CAST: variants seen among roughly 807,000 people sequenced by gnomAD.
CAST encodes calpastatin.
A neutral mutation model predicts 119.6 loss-of-function variants in CAST; 76 were observed. The ratio of observed to expected loss-of-function variants is 0.64; its 90% CI spans 0.53 to 0.77. CAST has a LOEUF of 0.77. Ranked by LOEUF, CAST falls within the 30% of genes least tolerant of loss-of-function variation. The pLI is 0.00. For synonymous variants in CAST, 319 were observed against 331.6 expected (o/e 0.96, Z 0.41); for missense variants, 953 against 946.5 (o/e 1.01, Z -0.09).
At chr5:96,462,786 G>A in the CAST span, among the ~76,000 whole-genome samples, 1 of 152,060 alleles carries the variant, frequency 6.6e-6, no homozygotes, top group South Asian at 2.1e-4. Flanking sequence ...GGATCATGGG[G>A]GCAGTTTCCT....
chr5:96,244,745 T>G, the CAST span, among the ~76,000 whole-genome samples: 2 of 152,216 alleles, frequency 1.3e-5, no homozygotes, highest in Non-Finnish European at 2.9e-5. Flanking sequence ...TTTTCTTAAA[T>G]TGTAAAATTC....
intron 1 of CAST, among the ~76,000 whole-genome samples, chr5:96,656,663 G>A (rs4869305): frequency 0.033 from 4,995 of 152,184 alleles, 129 homozygotes; most frequent in South Asian, 0.055. Context: ...AAACCTGCCC[G>A]TTTGGGTCAG....
chr5:96,429,067 A>G, the CAST span: 1 of 591,136 alleles, frequency 1.7e-6, no homozygotes, highest in Non-Finnish European at 3.0e-6. Context: ...AATTTTATGG[A>G]AAGAAATTAG....
At chr5:96,492,758 A>G in the CAST span, among the ~76,000 whole-genome samples, 1 of 152,252 alleles carries the variant, frequency 6.6e-6, no homozygotes, top group South Asian at 2.1e-4. Flanking sequence ...GGAAGTAGAT[A>G]AAACTAAAAA....
the CAST span, among the ~76,000 whole-genome samples, chr5:96,076,848 A>G: frequency 6.6e-6 from 1 of 152,164 alleles, no homozygotes; most frequent in East Asian, 1.9e-4. Flanking sequence ...TTTAATAAAT[A>G]TCAATAATAA....
chr5:96,287,226 C>A, the CAST span, among the ~76,000 whole-genome samples: 1 of 152,084 alleles, frequency 6.6e-6, no homozygotes, highest in Non-Finnish European at 1.5e-5. Flanking sequence ...GAAATTCTCT[C>A]AGGCACATTC....
the CAST span, among the ~76,000 whole-genome samples, chr5:96,208,019 T>C: frequency 6.6e-6 from 1 of 151,926 alleles, no homozygotes; most frequent in East Asian, 1.9e-4. Context: ...CTGGTTCAGT[T>C]TGGGAAGTTG....
At chr5:96,452,975 A>AT in the CAST span, among the ~76,000 whole-genome samples, 1 of 149,066 alleles carries the variant, frequency 6.7e-6, no homozygotes, top group East Asian at 1.9e-4. Flanking sequence ...AAAAAAAAAA[A>AT]ACAGAAGAAA....
chr5:96,260,154 C>G, the CAST span, among the ~76,000 whole-genome samples: 1 of 151,984 alleles, frequency 6.6e-6, no homozygotes, highest in Non-Finnish European at 1.5e-5. Flanking sequence ...GGGTTTAAAA[C>G]CAGATTAAAA....
chr5:96,172,798 T>C, the CAST span, among the ~76,000 whole-genome samples: 6 of 152,166 alleles, frequency 3.9e-5, no homozygotes, highest in East Asian at 9.6e-4. Context: ...ACATTGAGCT[T>C]AGAGGCCATG....
the CAST span, among the ~76,000 whole-genome samples, chr5:96,241,706 G>C: frequency 0.055 from 6,488 of 117,018 alleles, 236 homozygotes; most frequent in African/African-American, 0.081. Context: ...CCTATTTCTC[G>C]ACATCCTCTC....
chr5:95,997,962 GGTT>G, the CAST span, among the ~76,000 whole-genome samples: 580 of 111,672 alleles, frequency 5.2e-3, 2 homozygotes, highest in African/African-American at 0.022. Flanking sequence ...TTTGAGAGAG[GGTT>G]TTTTTTTTTT....
chr5:96,664,968 C>T (rs1423942462), intron 1 of CAST, among the ~76,000 whole-genome samples: 2 of 152,194 alleles, frequency 1.3e-5, no homozygotes, highest in African/African-American at 4.8e-5. Context: ...TCCTTCCAGA[C>T]TCATGATTCT....
the CAST span, among the ~76,000 whole-genome samples, chr5:96,300,798 G>A: frequency 6.9e-6 from 1 of 144,282 alleles, no homozygotes; most frequent in Admixed American, 6.9e-5. Context: ...TTAGCTTACA[G>A]GTATTTTACC....
chr5:96,658,453 C>T (rs1385355230), upstream of CAST, among the ~76,000 whole-genome samples: 3 of 152,110 alleles, frequency 2.0e-5, no homozygotes, highest in African/African-American at 7.2e-5. Context: ...TCCTAGGGTA[C>T]TGCTCAGCTG....
the CAST span, among the ~76,000 whole-genome samples, chr5:96,463,066 G>A: frequency 3.3e-5 from 5 of 152,138 alleles, no homozygotes; most frequent in Non-Finnish European, 5.9e-5. Flanking sequence ...ACGTGATAAC[G>A]TGTATCTAAG....
the CAST span, among the ~76,000 whole-genome samples, chr5:96,278,981 A>G: frequency 1.3e-5 from 2 of 152,282 alleles, no homozygotes; most frequent in Non-Finnish European, 2.9e-5. Flanking sequence ...TATAAACATT[A>G]AAATCTGTAC....
chr5:96,292,607 G>A, the CAST span, among the ~76,000 whole-genome samples: 1 of 152,188 alleles, frequency 6.6e-6, no homozygotes, highest in Non-Finnish European at 1.5e-5. Flanking sequence ...TTCTCACAAG[G>A]TGATTATGTT....
chr5:96,549,727 A>G (rs1746090005), intron 1 of CAST, among the ~76,000 whole-genome samples: 2 of 152,246 alleles, frequency 1.3e-5, no homozygotes, highest in Non-Finnish European at 2.9e-5. Flanking sequence ...CAATTGGCAG[A>G]CCAGGATATC....
Sources: allele counts gnomAD v4.1 joint callset (sites outside exome capture counted in the v4.1 genomes callset), GRCh38; gene constraint gnomAD v4.1.1; transcripts MANE v1.5; gene names NCBI Gene and HGNC (gene_info 2026-07-23, HGNC 2026-07-21).